ZNF236: variants seen among roughly 807,000 people sequenced by gnomAD.
The protein encoded by ZNF236 is regulated by glucose.
ZNF236 carries 50 observed loss-of-function variants against 191.2 expected under a neutral mutation model. The ratio of observed to expected loss-of-function variants is 0.26; its 90% CI spans 0.21 to 0.33. The LOEUF is 0.33. Ranked by LOEUF, ZNF236 falls within the 10% of genes least tolerant of loss-of-function variation. ZNF236 has a pLI of 1.00. For missense variants in ZNF236, 1,754 were observed against 2,374.5 expected (o/e 0.74, Z 5.43); for synonymous variants, 907 against 928.8 (o/e 0.98, Z 0.43).
rs116948208 is a variant in ZNF236 at position 76,853,733 on chromosome 18, C to T, written c.363+1794C>T. On this transcript the variant is annotated intron_variant, in intron 3 of 30. Transcript: ENST00000320610. ...ATTGTATGTTTGAAAATTGCTGGCT[C>T]GGCATGGTGGCTCATGTCTGTAATC... Among the ~76,000 whole-genome samples, 6 of 151,804 alleles carry T rather than the reference C, an allele frequency of 4.0e-5. No individual in the cohort carries two copies. The South Asian group carries it at 6.3e-4, about 16-fold the overall frequency.
chr18:76,881,826 C>CTTAGGCCA (rs1976911386), intron 9 of ZNF236, among the ~76,000 whole-genome samples: 1 of 152,220 alleles, frequency 6.6e-6, no homozygotes, highest in Non-Finnish European at 1.5e-5. Context: ...CTCTGCCCTG[C>CTTAGGCCA]TTAGGCGCCT....
chr18:76,826,628 TAA>T (rs778196167), intron 1 of ZNF236, among the ~76,000 whole-genome samples: 4 of 139,832 alleles, frequency 2.9e-5, no homozygotes, highest in Non-Finnish European at 1.6e-5. Context: ...CCAGCCGTAC[TAA>T]AAAAAAAAAA....
chr18:76,915,933 G>GT, intron 19 of ZNF236, 74 bp downstream of exon 19: 3 of 1,438,936 alleles, frequency 2.1e-6, no homozygotes, highest in Middle Eastern at 1.8e-4. Context: ...ACAAATCACC[G>GT]TGAGTATTTT....
intron 13 of ZNF236, among the ~76,000 whole-genome samples, chr18:76,906,399 C>T (rs905412415): frequency 2.6e-5 from 4 of 152,144 alleles, no homozygotes; most frequent in Non-Finnish European, 5.9e-5. Context: ...CTGTGCAGGG[C>T]ACTGCATGTG....
rs1000840849 is a variant in ZNF236, at chr18:76,899,237, A to G, written c.1894+15A>G. ...AACTGACTTAGGTAAGATGGATTGT[A>G]GGGCGTCTTTATAATTTATTGAGTA... On this transcript the variant is annotated intron_variant, in intron 11 of 30. Transcript: ENST00000320610. 1.2e-6 allele frequency: 2 copies of G among 1,601,298 alleles called. No individual in the cohort carries two copies. Among genetic ancestry groups the G allele is most frequent in the Non-Finnish European group, 1.7e-6 (2 of 1,169,314 alleles).
At chr18:76,885,095 TG>T (rs1417132151) in intron 9 of ZNF236, 3 of 152,246 alleles carry the variant, frequency 2.0e-5, no homozygotes, top group Non-Finnish European at 4.4e-5. Flanking sequence ...GTTCCCGCCC[TG>T]GAAGAGTACC....
At chr18:76,836,804 C>T (rs1231115565) in intron 1 of ZNF236, among the ~76,000 whole-genome samples, 1 of 151,924 alleles carries the variant, frequency 6.6e-6, no homozygotes, top group Non-Finnish European at 1.5e-5. Context: ...GTCTCGATCT[C>T]CTGACCTCTT....
At chr18:76,870,883 C>T (rs1976565246) in intron 4 of ZNF236, among the ~76,000 whole-genome samples, 1 of 152,044 alleles carries the variant, frequency 6.6e-6, no homozygotes, top group Admixed American at 6.6e-5. Flanking sequence ...AGATGGGAGT[C>T]CTTGGAGGGT....
chr18:76,927,196 C>T lies in ZNF236; in HGVS notation c.4173+14C>T. On this transcript the variant is annotated intron_variant, in intron 23 of 30. Transcript: ENST00000320610. The surrounding 1 kb of genome is among the most constrained non-coding windows in gnomAD (Gnocchi z 5.4). ...ATTACGTTGCAGGTATGACACCTTC[C>T]ATGGTCTCCTGTGCTGTAATTCTCT... The T allele has an allele frequency of 6.2e-7, 1 of 1,612,288 alleles. No homozygotes were observed. Among genetic ancestry groups the T allele is most frequent in the Non-Finnish European group, 8.5e-7 (1 of 1,178,418 alleles).
chr18:76,936,288 G>C (rs888835833), intron 25 of ZNF236: 4 of 455,648 alleles, frequency 8.8e-6, no homozygotes, highest in African/African-American at 6.0e-5. Context: ...TGAATGGATG[G>C]CTCGACTGTG....
At chr18:76,908,110 G>A (rs1278691574) in intron 13 of ZNF236, among the ~76,000 whole-genome samples, 1 of 152,158 alleles carries the variant, frequency 6.6e-6, no homozygotes, top group African/African-American at 2.4e-5. Context: ...GTGTCTTGTA[G>A]CCGGTGGAAG....
intron 3 of ZNF236, among the ~76,000 whole-genome samples, chr18:76,854,802 A>G (rs1457345685): frequency 6.6e-6 from 1 of 152,194 alleles, no homozygotes; most frequent in African/African-American, 2.4e-5. Flanking sequence ...CAAGTTCTTT[A>G]TAGAATGCCA....
chr18:76,916,659 C>T (rs374187089), intron 19 of ZNF236, among the ~76,000 whole-genome samples: 1 of 152,192 alleles, frequency 6.6e-6, no homozygotes, highest in East Asian at 1.9e-4. Flanking sequence ...TATTTTGACA[C>T]GTTGCGCCAG....
At chr18:76,948,084 G>A (rs947706383) in intron 27 of ZNF236, among the ~76,000 whole-genome samples, 6 of 152,140 alleles carry the variant, frequency 3.9e-5, no homozygotes, top group Admixed American at 1.3e-4. Context: ...GTGTGCGCGC[G>A]CGTGTGTTCA....
At position 76,837,836 on chromosome 18, in the gene ZNF236, T is replaced by C. The variant is rs1254757177; in HGVS notation, c.56-11690T>C. Among the ~76,000 whole-genome samples, 52 of 152,222 alleles carry C rather than the reference T, an allele frequency of 3.4e-4. 1 individual carries two copies. Among genetic ancestry groups the C allele is most frequent in the Admixed American group, 3.3e-3 (51 of 15,280 alleles). On this transcript the variant is annotated intron_variant, in intron 1 of 30. Coordinates refer to ENST00000320610, the MANE Select transcript of ZNF236 (RefSeq NM_001306089.2). ...GGCATTCTTGTTAAAAATCAATGGATGATAAATATATGTGTTTACTTCTGA... is the reference window on the plus strand; with the variant it reads ...GGCATTCTTGTTAAAAATCAATGGACGATAAATATATGTGTTTACTTCTGA...
chr18:76,956,183 G>A lies in ZNF236; in HGVS notation c.5112+1G>A. 6.5e-7 allele frequency: 1 copy of A among 1,546,032 alleles called. No individual in the cohort carries two copies. Among genetic ancestry groups the A allele is most frequent in the Non-Finnish European group, 8.7e-7 (1 of 1,147,996 alleles). ...CTTCAAGCGCGCCACGCACCTCAAG[G>A]TAGGCCCACTGTGCCAGGGCACAGC... On this transcript the variant is annotated splice_donor_variant, in intron 28 of 30. Coordinates refer to ENST00000320610, the MANE Select transcript of ZNF236 (RefSeq NM_001306089.2). LOFTEE classifies it high-confidence loss of function.
intron 1 of ZNF236, among the ~76,000 whole-genome samples, chr18:76,847,763 C>A (rs935665574): frequency 3.3e-5 from 5 of 152,132 alleles, no homozygotes; most frequent in African/African-American, 4.8e-5. Flanking sequence ...GGCGTGAGCC[C>A]CTCCGCCCGG....
chr18:76,953,167 T>A (rs1306602245), intron 27 of ZNF236, among the ~76,000 whole-genome samples: 1 of 152,212 alleles, frequency 6.6e-6, no homozygotes, highest in African/African-American at 2.4e-5. Context: ...TCAGCCTGTC[T>A]TTACTAAAAC....
rs1968847573 is a variant in ZNF236, at chr18:76,968,788, A to G, written c.*449A>G. On this transcript the variant is annotated 3_prime_UTR_variant, in exon 31 of 31. Coordinates refer to ENST00000320610, the MANE Select transcript of ZNF236 (RefSeq NM_001306089.2). ...TAAGATTGAGGCATGAAGTTCAGAA[A>G]AAAAAGTGTTACAACACACAGGGAA... The G allele has an allele frequency of 1.0e-6, 1 of 989,944 alleles. No homozygotes were observed. Among genetic ancestry groups the G allele is most frequent in the Non-Finnish European group, 1.2e-6 (1 of 833,248 alleles). The allele number at this position is 989,944 out of a possible 1,614,324, so 61.3% of individuals were successfully genotyped here.
Sources: gnomAD v4.1 joint callset for allele counts (sites outside exome capture counted in the v4.1 genomes callset) on GRCh38, gnomAD v4.1.1 for gene constraint, Gnocchi (gnomAD v3.1) non-coding constraint, MANE v1.5 for transcripts, NCBI Gene and HGNC (gene_info 2026-07-23, HGNC 2026-07-21) for gene names.